The following L3MBTL4 variants were observed in gnomAD, a reference collection of about 807,000 sequenced individuals.
The protein encoded by L3MBTL4 is L3MBTL histone methyl-lysine binding protein 4, also known as lethal(3)malignant brain tumor-like protein 4.
L3MBTL4 carries 70 observed loss-of-function variants against 84.5 expected under a neutral mutation model. That is an observed-to-expected ratio of 0.83 (90% CI 0.68 to 1.01). L3MBTL4 has a LOEUF of 1.01. Among genes scored for constraint, L3MBTL4 ranks in the 50% least tolerant of loss-of-function variants. L3MBTL4 has a pLI of 0.00. For synonymous variants in L3MBTL4, 274 were observed against 259.8 expected (o/e 1.05, Z -0.52); for missense variants, 715 against 754.8 (o/e 0.95, Z 0.62).
chr18:6,030,087 G>A (rs1247016125), intron 16 of L3MBTL4: 11 of 982,136 alleles, frequency 1.1e-5, no homozygotes, highest in Admixed American at 6.2e-5. Flanking sequence ...TAAAGGACAC[G>A]AGGAAACTGT....
At chr18:6,137,119 A>T (rs1598872028) in intron 14 of L3MBTL4, among the ~76,000 whole-genome samples, 2 of 152,334 alleles carry the variant, frequency 1.3e-5, no homozygotes, top group East Asian at 3.9e-4. Context: ...GGAGGCAAGA[A>T]TTGAGTTACT....
chr18:6,200,866 T>C (rs2045620217), intron 12 of L3MBTL4, among the ~76,000 whole-genome samples: 1 of 152,184 alleles, frequency 6.6e-6, no homozygotes, highest in African/African-American at 2.4e-5. Context: ...TAGGGAGTGT[T>C]TAGTTAATGC....
At chr18:6,113,890 T>TG (rs1162322551) in intron 14 of L3MBTL4, among the ~76,000 whole-genome samples, 1 of 152,232 alleles carries the variant, frequency 6.6e-6, no homozygotes, top group Non-Finnish European at 1.5e-5. Flanking sequence ...GTCCTGCATC[T>TG]GGAATACAAT....
chr18:6,178,596 T>G (rs141500654), intron 12 of L3MBTL4, among the ~76,000 whole-genome samples: 2 of 152,344 alleles, frequency 1.3e-5, no homozygotes, highest in East Asian at 3.9e-4. Flanking sequence ...TAGACCCTTC[T>G]TGCTCAAGCT....
intron 1 of L3MBTL4, among the ~76,000 whole-genome samples, chr18:6,357,409 T>G (rs1295219365): frequency 6.6e-6 from 1 of 152,200 alleles, no homozygotes; most frequent in Non-Finnish European, 1.5e-5. Context: ...AACTAGTACC[T>G]TCTTTCCATT....
chr18:6,287,360 T>A (rs969611745), intron 4 of L3MBTL4, among the ~76,000 whole-genome samples: 1 of 152,166 alleles, frequency 6.6e-6, no homozygotes, highest in African/African-American at 2.4e-5. Context: ...ACTCAAAGAC[T>A]GCCTCACTAC....
chr18:5,976,146 A>G (rs939232947), intron 16 of L3MBTL4, among the ~76,000 whole-genome samples: 1 of 152,222 alleles, frequency 6.6e-6, no homozygotes, highest in African/African-American at 2.4e-5. Flanking sequence ...GAGCACCTGA[A>G]ATGTGAAGCG....
At chr18:6,170,845 C>T (rs1433319088) in intron 13 of L3MBTL4, among the ~76,000 whole-genome samples, 3 of 152,092 alleles carry the variant, frequency 2.0e-5, no homozygotes, top group African/African-American at 2.4e-5. Flanking sequence ...CAAATGCTGG[C>T]GCCCTTCCCT....
rs549587719 is a variant in L3MBTL4 at position 6,194,322 on chromosome 18, G to A, written c.981+18827C>T. On this transcript the variant is annotated intron_variant, in intron 12 of 18. Coordinates refer to ENST00000317931, the MANE Select transcript of L3MBTL4 (RefSeq NM_001330559.2). ...AGCCCACTCTCCCACAGGGCGTGGC[G>A]ATGGTCACGGCAGCCTTCCCGCCTC... Among the ~76,000 whole-genome samples, 48 of 152,300 alleles carry A rather than the reference G, an allele frequency of 3.2e-4. No homozygotes were observed. In the South Asian group the frequency reaches 9.1e-3, roughly 29 times the overall value.
chr18:6,005,351 C>CACACAAAAAACAA (rs1420453898), intron 16 of L3MBTL4, among the ~76,000 whole-genome samples: 1 of 152,028 alleles, frequency 6.6e-6, no homozygotes, highest in Non-Finnish European at 1.5e-5. Context: ...GTCTCACAAA[C>CACACAAAAAACAA]ACAACAAAAA....
At chr18:6,333,992 T>TTAATA (rs2052190752) in intron 1 of L3MBTL4, among the ~76,000 whole-genome samples, 1 of 152,208 alleles carries the variant, frequency 6.6e-6, no homozygotes. Flanking sequence ...CCATAAAGCA[T>TTAATA]TCCAAACGAT....
intron 4 of L3MBTL4, among the ~76,000 whole-genome samples, chr18:6,274,515 T>C (rs2049001647): frequency 6.6e-6 from 1 of 152,202 alleles, no homozygotes; most frequent in Non-Finnish European, 1.5e-5. Flanking sequence ...TTTCTGTTCC[T>C]TGCAAAAGAA....
intron 16 of L3MBTL4, among the ~76,000 whole-genome samples, chr18:6,071,148 T>A (rs2057579695): frequency 6.6e-6 from 1 of 152,160 alleles, no homozygotes; most frequent in Admixed American, 6.5e-5. Flanking sequence ...CCCAGCACTT[T>A]GGGAGGCCAA....
At chr18:6,244,400 A>G in intron 6 of L3MBTL4, 84 bp downstream of exon 6, 6 of 861,640 alleles carry the variant, frequency 7.0e-6, no homozygotes, top group Non-Finnish European at 1.1e-5. Flanking sequence ...CTTCATAATA[A>G]ATATCAAACA....
At chr18:6,212,726 G>A (rs974058186) in intron 12 of L3MBTL4, among the ~76,000 whole-genome samples, 1 of 152,184 alleles carries the variant, frequency 6.6e-6, no homozygotes, top group Non-Finnish European at 1.5e-5. Context: ...AAAAAGAACT[G>A]ACAGTAAAAG....
intron 16 of L3MBTL4, among the ~76,000 whole-genome samples, chr18:6,076,623 A>T (rs2057863428): frequency 6.6e-6 from 1 of 152,154 alleles, no homozygotes; most frequent in African/African-American, 2.4e-5. Context: ...TCAATAAGTG[A>T]GGGAGGAAAA....
chr18:6,043,059 T>C (rs1251685039), intron 16 of L3MBTL4, among the ~76,000 whole-genome samples: 2 of 152,204 alleles, frequency 1.3e-5, no homozygotes, highest in Non-Finnish European at 2.9e-5. Flanking sequence ...TCCTTAATAC[T>C]TCCTGTCTCA....
At chr18:6,296,712 G>A (rs574989650) in intron 4 of L3MBTL4, among the ~76,000 whole-genome samples, 5 of 152,226 alleles carry the variant, frequency 3.3e-5, no homozygotes, top group South Asian at 2.1e-4. Context: ...GGGAAGGGGG[G>A]TTATGAGGCA....
At chr18:6,376,253 TCTCTTAA>T (rs2054364228) in intron 1 of L3MBTL4, among the ~76,000 whole-genome samples, 1 of 152,144 alleles carries the variant, frequency 6.6e-6, no homozygotes, top group Non-Finnish European at 1.5e-5. Flanking sequence ...GCTTCCTGCT[TCTCTTAA>T]TGTAGGTCCC....
Sources: gnomAD v4.1 joint callset for allele counts (sites outside exome capture counted in the v4.1 genomes callset) on GRCh38, gnomAD v4.1.1 for gene constraint, MANE v1.5 for transcripts, NCBI Gene and HGNC (gene_info 2026-07-23, HGNC 2026-07-21) for gene names.